The following BMX variants were observed in gnomAD, a reference collection of about 807,000 sequenced individuals.
The protein encoded by BMX is BMX non-receptor tyrosine kinase.
A neutral mutation model predicts 59.2 loss-of-function variants in BMX; 31 were observed. The ratio of observed to expected loss-of-function variants is 0.52; its 90% CI spans 0.39 to 0.71. The LOEUF (loss-of-function observed/expected upper bound fraction) is 0.71. BMX is among the 30% of genes least tolerant of loss of function. The probability of loss-of-function intolerance (pLI) is 0.00; values close to 1 mark genes in which losing one functional copy is unlikely to be tolerated. For missense variants in BMX, 474 were observed against 491.7 expected (o/e 0.96, Z 0.34); for synonymous variants, 185 against 181.0 (o/e 1.02, Z -0.18).
chrX:15,507,453 A>C, intron 1 of BMX: 10 of 611,700 alleles, frequency 1.6e-5, no homozygotes, highest in Non-Finnish European at 2.0e-5. Context: ...GATTTTAACT[A>C]TTGGGCATGT....
chrX:15,506,427 A>G (rs2147101983), intron 1 of BMX, among the ~76,000 whole-genome samples: 1 of 112,469 alleles, frequency 8.9e-6, no homozygotes, highest in African/African-American at 3.2e-5. Flanking sequence ...CTGTGGATAT[A>G]AAAAATTGAC....
In BMX at chrX:15,556,084, G is replaced by T. The variant is rs770977325; in HGVS notation, c.1965G>T (p.Lys655Asn). ...TTGTTTTTGTTTAGCTTCCAGAAAA[G>T]CGTCCCACATTTCAGCAACTCCTGT... ...MYSCWHELPE[K>N]RPTFQQLLSS... The change falls in exon 19 of 19, where the codon AAG becomes AAT. Residue 655 changes from lysine to asparagine, a missense_variant. Coordinates refer to ENST00000348343, the MANE Select transcript of BMX (RefSeq NM_203281.3). 1 of 1,205,274 alleles carries T rather than the reference G, an allele frequency of 8.3e-7. No homozygotes were observed. Among genetic ancestry groups the T allele is most frequent in the South Asian group, 1.8e-5 (1 of 55,424 alleles).
chrX:15,556,034 A>G (rs1569233454), intron 18 of BMX, 39 bp from the exon 19 acceptor site: 1 of 1,128,743 alleles, frequency 8.9e-7, no homozygotes, highest in Non-Finnish European at 1.2e-6. Flanking sequence ...CATAACTCTC[A>G]TCATCTAAAA....
chrX:15,514,537 A>G (rs962256682), intron 4 of BMX, among the ~76,000 whole-genome samples: 1 of 112,007 alleles, frequency 8.9e-6, no homozygotes, highest in African/African-American at 3.2e-5. Flanking sequence ...GGAAATCTCA[A>G]GATGAACATA....
At chrX:15,537,070 G>T (rs766159814) in intron 13 of BMX, 64 bp from the exon 14 acceptor site, 746 of 1,109,648 alleles carry the variant, frequency 6.7e-4, no homozygotes, top group Non-Finnish European at 8.2e-4. Context: ...GAAATCACTT[G>T]GGAAGCTGTT....
At chrX:15,504,247 A>C (rs1417529652) in intron 1 of BMX, among the ~76,000 whole-genome samples, 1 of 112,020 alleles carries the variant, frequency 8.9e-6, no homozygotes, top group Admixed American at 9.5e-5. Context: ...CATAGTTGGT[A>C]CCCACAATGT....
intron 1 of BMX, among the ~76,000 whole-genome samples, chrX:15,504,073 A>G (rs957367530): frequency 7.2e-5 from 8 of 111,090 alleles, no homozygotes; most frequent in African/African-American, 2.6e-4. Context: ...TCATAAAATC[A>G]CTCTCATCCT....
At chrX:15,546,991 G>A in intron 17 of BMX, 70 bp downstream of exon 17, 2 of 913,194 alleles carry the variant, frequency 2.2e-6, no homozygotes, top group Non-Finnish European at 3.1e-6. Flanking sequence ...AACCACAAGA[G>A]TAGCAATGTC....
At chrX:15,550,834 C>A (rs1386286570) in intron 18 of BMX, among the ~76,000 whole-genome samples, 2 of 111,229 alleles carry the variant, frequency 1.8e-5, no homozygotes, top group African/African-American at 6.5e-5. Flanking sequence ...ATACAAGAAG[C>A]GCTCAGAGGA....
In BMX at chrX:15,509,196, G is replaced by A. The variant is rs2147103687; in HGVS notation, c.139-133G>A. On this transcript the variant is annotated intron_variant, in intron 2 of 18. Coordinates refer to ENST00000348343, the MANE Select transcript of BMX (RefSeq NM_203281.3). ...GTCATTGGATTTTGACTATTACGGGGTAATAGGAAGTGACTCTCCATTGCC... is the reference window on the plus strand; with the variant it reads ...GTCATTGGATTTTGACTATTACGGGATAATAGGAAGTGACTCTCCATTGCC... 1.6e-5 allele frequency: 5 copies of A among 318,132 alleles called. No individual in the cohort carries two copies. In the South Asian group the frequency reaches 2.2e-4, roughly 14 times the overall value. 26.2% of individuals were successfully genotyped at this position (318,132 alleles called of 1,213,427 possible).
intron 7 of BMX, among the ~76,000 whole-genome samples, chrX:15,524,716 C>A (rs1924627563): frequency 9.0e-6 from 1 of 111,459 alleles, no homozygotes. Context: ...ACTATGAAGG[C>A]AAACAGGAAA....
intron 7 of BMX, among the ~76,000 whole-genome samples, chrX:15,523,357 C>A (rs1602339388): frequency 8.9e-6 from 1 of 112,327 alleles, no homozygotes; most frequent in East Asian, 2.8e-4. Flanking sequence ...TCTGACTCAC[C>A]ATGTATCTCT....
intron 4 of BMX, among the ~76,000 whole-genome samples, chrX:15,515,291 A>T (rs1924107659): frequency 9.0e-6 from 1 of 110,507 alleles, no homozygotes; most frequent in Non-Finnish European, 1.9e-5. Context: ...CACATTCTGC[A>T]CATGTATCCC....
At position 15,509,334 on chromosome X, in the gene BMX, G is replaced by A. The variant is rs1448660414; in HGVS notation, c.144G>A (p.Arg48=). 2 of 1,196,420 alleles carry A rather than the reference G, an allele frequency of 1.7e-6. No individual in the cohort carries two copies. The highest frequency in any genetic ancestry group is 2.3e-5 in the Admixed American group (1 of 44,294). Residue 48 remains arginine, a synonymous_variant, in exon 3 of 19, where the codon AGG becomes AGA. Coordinates refer to ENST00000348343, the MANE Select transcript of BMX (RefSeq NM_203281.3). ...LSYYEYDKMK[R]GSRKGSIEIK... ...CATTTTGTTTTTTAATTCAGAAAAG[G>A]GGCAGCAGAAAAGGATCCATTGAAA...
chrX:15,550,800 C>T (rs745512665), intron 18 of BMX, among the ~76,000 whole-genome samples: 5 of 110,033 alleles, frequency 4.5e-5, no homozygotes, highest in Middle Eastern at 4.2e-3. Flanking sequence ...TGGCAAAAAA[C>T]GTGATTACTT....
Position 15,509,343 on chromosome X carries a change from A to G in BMX, c.153A>G (p.Arg51=). ...YEYDKMKRGS[R]KGSIEIKKIR... is the part of the protein sequence containing the mutation. ...TTTTAATTCAGAAAAGGGGCAGCAG[A>G]AAAGGATCCATTGAAATTAAGAAAA... Residue 51 remains arginine (R), a synonymous_variant, in exon 3 of 19, where the codon AGA becomes AGG. Transcript: ENST00000348343. 8.3e-7 allele frequency: 1 copy of G among 1,204,865 alleles called. No individual in the cohort carries two copies. The highest frequency in any genetic ancestry group is 1.1e-6 in the Non-Finnish European group (1 of 892,066).
At chrX:15,534,666 G>A (rs73195516) in intron 12 of BMX, among the ~76,000 whole-genome samples, 375 of 111,197 alleles carry the variant, frequency 3.4e-3, no homozygotes, top group Non-Finnish European at 5.7e-3. Context: ...TATACATATC[G>A]TTGGATCATG....
intron 4 of BMX, among the ~76,000 whole-genome samples, chrX:15,514,897 G>A (rs911063657): frequency 1.8e-5 from 2 of 110,689 alleles, no homozygotes; most frequent in Non-Finnish European, 3.8e-5. Flanking sequence ...AAAAGTGAGT[G>A]ATTATAAAGG....
At chrX:15,502,021 C>A (rs986318833) in intron 1 of BMX, among the ~76,000 whole-genome samples, 3 of 111,726 alleles carry the variant, frequency 2.7e-5, no homozygotes, top group Non-Finnish European at 5.6e-5. Flanking sequence ...CTTTTTAAAA[C>A]TTTGCCTATG....
Sources: gnomAD v4.1 joint callset for allele counts (sites outside exome capture counted in the v4.1 genomes callset) on GRCh38, gnomAD v4.1.1 for gene constraint, MANE v1.5 for transcripts, NCBI Gene and HGNC (gene_info 2026-07-23, HGNC 2026-07-21) for gene names.